Variants in GRID2 observed in about 807,000 individuals in gnomAD.
GRID2 encodes glutamate ionotropic receptor delta type subunit 2.
A neutral mutation model predicts 114.8 loss-of-function variants in GRID2; 33 were observed. The observed-to-expected ratio is 0.29, with a 90% CI of 0.22 to 0.38. The LOEUF (loss-of-function observed/expected upper bound fraction) is 0.38. Ranked by LOEUF, GRID2 falls within the 10% of genes least tolerant of loss-of-function variation. The pLI is 1.00. For synonymous variants in GRID2, 505 were observed against 449.9 expected (o/e 1.12, Z -1.55); for missense variants, 1,184 against 1,257.7 (o/e 0.94, Z 0.89).
At chr4:93,505,347 T>C (rs1015265388) in intron 12 of GRID2, among the ~76,000 whole-genome samples, 1 of 152,012 alleles carries the variant, frequency 6.6e-6, no homozygotes, top group African/African-American at 2.4e-5. Flanking sequence ...TTTGAAGATA[T>C]CATCTTAACA....
rs187815484 is a variant in GRID2, at chr4:93,733,311, C to T, written c.2361-35899C>T. ...ATTAGCATATGGACTTTTCAGCCTGCCTCACACAGGTTCACAACAGAAATT... is the reference window on the plus strand; with the variant it reads ...ATTAGCATATGGACTTTTCAGCCTGTCTCACACAGGTTCACAACAGAAATT... On this transcript the variant is annotated intron_variant, in intron 14 of 15. Transcript: ENST00000282020. Among the ~76,000 whole-genome samples, 430 of 152,214 alleles carry T rather than the reference C, an allele frequency of 2.8e-3. 1 individual carries two copies. Among genetic ancestry groups the T allele is most frequent in the Non-Finnish European group, 4.0e-3 (270 of 67,982 alleles).
intron 1 of GRID2, among the ~76,000 whole-genome samples, chr4:92,454,891 T>G (rs1721127465): frequency 6.6e-6 from 1 of 152,198 alleles, no homozygotes; most frequent in Non-Finnish European, 1.5e-5. Context: ...ACTTTCCGAT[T>G]ATTCACATAT....
chr4:92,931,878 G>C lies in GRID2; in HGVS notation c.245-153117G>C, dbSNP rs1295355676. The stretch of plus-strand genomic sequence containing the variant: ...CAGGCAACTCAATGGAAAAAAGAAG[G>C]CCTTTTTAATAGAAAATTCTCAAAT... On this transcript the variant is annotated intron_variant, in intron 2 of 15. Transcript: ENST00000282020. Among the ~76,000 whole-genome samples the C allele has an allele frequency of 6.0e-5, 9 of 150,972 alleles. No homozygotes were observed. The South Asian group carries it at 6.2e-4, about 10-fold the overall frequency.
chr4:93,595,126 T>C (rs1738940655), intron 13 of GRID2, among the ~76,000 whole-genome samples: 2 of 152,184 alleles, frequency 1.3e-5, no homozygotes, highest in African/African-American at 2.4e-5. Flanking sequence ...CCTCAAACAA[T>C]GGTGACCTCC....
chr4:93,675,158 C>A (rs1011542250), intron 14 of GRID2, among the ~76,000 whole-genome samples: 2 of 151,960 alleles, frequency 1.3e-5, no homozygotes, highest in African/African-American at 4.8e-5. Context: ...TCATATATTG[C>A]GTGTGTGTGT....
chr4:92,735,242 C>T (rs1294857154), intron 2 of GRID2, among the ~76,000 whole-genome samples: 1 of 151,958 alleles, frequency 6.6e-6, no homozygotes. Context: ...GTTCTGAGAC[C>T]TCTAGTGGAT....
At chr4:93,115,165 C>A (rs1055833968) in intron 4 of GRID2, among the ~76,000 whole-genome samples, 1 of 151,078 alleles carries the variant, frequency 6.6e-6, no homozygotes, top group Admixed American at 6.6e-5. Context: ...TCTACTGAGG[C>A]TTTTAAAATT....
rs746584948 is a variant in GRID2, at chr4:93,049,424, G to A, written c.245-35571G>A. Among the ~76,000 whole-genome samples the A allele has an allele frequency of 4.0e-5, 6 of 151,388 alleles. 1 individual carries two copies. The Middle Eastern group carries it at 0.01, about 257-fold the overall frequency. Reference sequence around the variant, plus strand: ...TCACTTTTGACTCTCTGTTTTCTTTGTTCTTTTACTAATTACAATTCAAAA... The same window carrying A: ...TCACTTTTGACTCTCTGTTTTCTTTATTCTTTTACTAATTACAATTCAAAA... On this transcript the variant is annotated intron_variant, in intron 2 of 15. Transcript: ENST00000282020.
intron 8 of GRID2, among the ~76,000 whole-genome samples, chr4:93,392,538 T>C (rs1293320692): frequency 6.6e-6 from 1 of 152,110 alleles, no homozygotes; most frequent in Non-Finnish European, 1.5e-5. Flanking sequence ...CAAAAAAGCT[T>C]GAAATGAACC....
intron 8 of GRID2, among the ~76,000 whole-genome samples, chr4:93,365,703 T>C (rs1467835025): frequency 6.6e-6 from 1 of 152,130 alleles, no homozygotes; most frequent in African/African-American, 2.4e-5. Flanking sequence ...TCTCATATAG[T>C]TCAGGATAGC....
chr4:93,387,908 A>T (rs115461306), intron 8 of GRID2, among the ~76,000 whole-genome samples: 2 of 152,062 alleles, frequency 1.3e-5, no homozygotes, highest in African/African-American at 4.8e-5. Flanking sequence ...AATCATCTAA[A>T]TTTGTTTAGT....
At chr4:92,635,512 G>T (rs1049824866) in intron 2 of GRID2, among the ~76,000 whole-genome samples, 1 of 151,708 alleles carries the variant, frequency 6.6e-6, no homozygotes, top group Admixed American at 6.6e-5. Context: ...TTAAATATTT[G>T]AAGTTTGGGG....
At chr4:92,853,726 A>G (rs1743987365) in intron 2 of GRID2, among the ~76,000 whole-genome samples, 2 of 152,148 alleles carry the variant, frequency 1.3e-5, no homozygotes, top group South Asian at 4.1e-4. Context: ...TGATGAATTA[A>G]CAGTGAATTT....
intron 4 of GRID2, among the ~76,000 whole-genome samples, chr4:93,187,496 G>A (rs903446974): frequency 3.3e-5 from 5 of 152,120 alleles, no homozygotes; most frequent in South Asian, 2.1e-4. Context: ...GGCTGGTCTC[G>A]ACTCCTGACC....
At chr4:93,177,551 T>C (rs1739464080) in intron 4 of GRID2, among the ~76,000 whole-genome samples, 1 of 152,154 alleles carries the variant, frequency 6.6e-6, no homozygotes, top group East Asian at 1.9e-4. Context: ...TACTTTATCA[T>C]ATTAAAATTT....
chr4:92,554,384 C>A (rs777206334), intron 1 of GRID2, among the ~76,000 whole-genome samples: 1 of 152,128 alleles, frequency 6.6e-6, no homozygotes, highest in Non-Finnish European at 1.5e-5. Flanking sequence ...TTCTCAAGCA[C>A]TTTGAAATGT....
chr4:92,756,559 A>T (rs915870123), intron 2 of GRID2, among the ~76,000 whole-genome samples: 1 of 152,116 alleles, frequency 6.6e-6, no homozygotes, highest in Non-Finnish European at 1.5e-5. Flanking sequence ...TTGTATTCCC[A>T]CCAACAATGT....
chr4:93,016,689 A>T (rs2149239729), intron 2 of GRID2, among the ~76,000 whole-genome samples: 1 of 152,316 alleles, frequency 6.6e-6, no homozygotes, highest in South Asian at 2.1e-4. Flanking sequence ...AGCAAGAAAC[A>T]AAATAGAAGA....
At chr4:92,668,360 A>G (rs62309233) in intron 2 of GRID2, among the ~76,000 whole-genome samples, 9,220 of 151,730 alleles carry the variant, frequency 0.061, 338 homozygotes, top group East Asian at 0.16. Context: ...AATGTAAAAG[A>G]CCTATGAGGT....
Sources: gnomAD v4.1 joint callset for allele counts (sites outside exome capture counted in the v4.1 genomes callset) on GRCh38, gnomAD v4.1.1 for gene constraint, MANE v1.5 for transcripts, NCBI Gene and HGNC (gene_info 2026-07-23, HGNC 2026-07-21) for gene names.